GABRG3: variants seen among roughly 807,000 people sequenced by gnomAD.
GABRG3 encodes gamma-aminobutyric acid type A receptor subunit gamma3.
Under a neutral mutation model 48.8 loss-of-function variants are expected in GABRG3, and 25 were observed. That is an observed-to-expected ratio of 0.51 (90% CI 0.37 to 0.72). GABRG3 has a LOEUF of 0.72. Among genes scored for constraint, GABRG3 ranks in the 30% least tolerant of loss-of-function variants. The probability of loss-of-function intolerance (pLI) is 0.00; values close to 1 mark genes in which losing one functional copy is unlikely to be tolerated. For synonymous variants in GABRG3, 227 were observed against 217.6 expected, an observed-to-expected ratio of 1.04 and a Z score of -0.38; for missense variants, 394 against 577.9, an observed-to-expected ratio of 0.68 and a Z score of 3.26.
rs569017680 is a variant in GABRG3, at chr15:27,457,994, G to A, written c.575-22656G>A. 2.8e-4 allele frequency among the ~76,000 whole-genome samples: 43 copies of A among 152,224 alleles called. No individual in the cohort carries two copies. Among genetic ancestry groups the A allele is most frequent in the African/African-American group, 1.0e-3 (42 of 41,542 alleles). ...CAGCCTGTGACCATCTGCTTTTGTCGTGAACTCCTTGGACGGTGCAGGAAC... is the reference window on the plus strand; with the variant it reads ...CAGCCTGTGACCATCTGCTTTTGTCATGAACTCCTTGGACGGTGCAGGAAC... On this transcript the variant is annotated intron_variant, in intron 5 of 9. Coordinates refer to ENST00000615808, the MANE Select transcript of GABRG3 (RefSeq NM_033223.5). The surrounding 1 kb of genome is among the most constrained non-coding windows in gnomAD (Gnocchi z 4.4).
chr15:27,344,585 C>T (rs1363419724), intron 5 of GABRG3, among the ~76,000 whole-genome samples: 1 of 152,114 alleles, frequency 6.6e-6, no homozygotes, highest in Admixed American at 6.5e-5. Context: ...TTATTTTGAT[C>T]ATTGTATCAA....
rs140281602 is a variant in GABRG3, at chr15:27,343,099, C to T, written c.574+14211C>T. On this transcript the variant is annotated intron_variant, in intron 5 of 9. Transcript: ENST00000615808. The stretch of plus-strand genomic sequence containing the variant: ...TTCTCCTTTAAGCTCCCCTGCCCTT[C>T]GCGGTGGCTCATGGATGGTACTGTG... Among the ~76,000 whole-genome samples the T allele has an allele frequency of 1.4e-4, 21 of 152,204 alleles. 1 individual carries two copies. The highest frequency in any genetic ancestry group is 2.9e-5 in the Non-Finnish European group (2 of 68,030).
intron 3 of GABRG3, among the ~76,000 whole-genome samples, chr15:27,066,236 C>T (rs1896735735): frequency 6.6e-6 from 1 of 152,214 alleles, no homozygotes; most frequent in African/African-American, 2.4e-5. Flanking sequence ...ATACAAACCT[C>T]ACTCAATACT....
At chr15:27,151,197 G>C (rs1898305169) in intron 3 of GABRG3, among the ~76,000 whole-genome samples, 1 of 152,012 alleles carries the variant, frequency 6.6e-6, no homozygotes, top group African/African-American at 2.4e-5. Context: ...TTCACTGCAG[G>C]ATCTGTCATG....
At chr15:27,171,410 C>G (rs894721346) in intron 3 of GABRG3, among the ~76,000 whole-genome samples, 15 of 152,002 alleles carry the variant, frequency 9.9e-5, no homozygotes, top group African/African-American at 3.6e-4. Context: ...TACATAGATG[C>G]CCTCATTGAG....
intron 3 of GABRG3, among the ~76,000 whole-genome samples, chr15:27,238,372 C>T (rs908286820): frequency 6.6e-6 from 1 of 152,258 alleles, no homozygotes; most frequent in Non-Finnish European, 1.5e-5. Context: ...CCAGCATCCA[C>T]GGCTGCCTTA....
At chr15:27,193,155 CA>C (rs1363932972) in intron 3 of GABRG3, among the ~76,000 whole-genome samples, 3 of 152,174 alleles carry the variant, frequency 2.0e-5, no homozygotes, top group Non-Finnish European at 4.4e-5. Flanking sequence ...TTAGGCTGCT[CA>C]GGGGTCAGGG....
intron 3 of GABRG3, among the ~76,000 whole-genome samples, chr15:27,168,720 G>T (rs1388557833): frequency 1.3e-5 from 2 of 152,220 alleles, no homozygotes; most frequent in Admixed American, 6.5e-5. Context: ...ACAGCAAGAA[G>T]ATGTGGTCTG....
At chr15:27,519,319 A>G (rs1402714180) in intron 6 of GABRG3, among the ~76,000 whole-genome samples, 2 of 152,182 alleles carry the variant, frequency 1.3e-5, no homozygotes, top group Non-Finnish European at 2.9e-5. Flanking sequence ...CTCTAGTCAC[A>G]TCTGCATTGC....
rs112864823 is a variant in GABRG3, at chr15:27,136,459, G to A, written c.270+109638G>A. Among the ~76,000 whole-genome samples the A allele has an allele frequency of 5.2e-3, 784 of 152,216 alleles. 7 individuals are homozygous for A. The highest frequency in any genetic ancestry group is 0.017 in the African/African-American group (719 of 41,536). The stretch of plus-strand genomic sequence containing the variant: ...AGTGTAGGTTTTAACTTTAGAGGGT[G>A]GAAGGTGGCTGTGCTTAATCCATGT... On this transcript the variant is annotated intron_variant, in intron 3 of 9. Coordinates refer to ENST00000615808, the MANE Select transcript of GABRG3 (RefSeq NM_033223.5).
intron 3 of GABRG3, among the ~76,000 whole-genome samples, chr15:27,073,671 TTAA>T (rs1312205527): frequency 6.6e-6 from 1 of 152,254 alleles, no homozygotes; most frequent in East Asian, 1.9e-4. Context: ...CTATTGCTAT[TTAA>T]TAATGTCTCC....
intron 5 of GABRG3, among the ~76,000 whole-genome samples, chr15:27,463,880 G>A (rs1889524426): frequency 6.6e-6 from 1 of 152,144 alleles, no homozygotes; most frequent in African/African-American, 2.4e-5. Context: ...TTCTCTCAGG[G>A]AGTGGGCTCA....
intron 6 of GABRG3, among the ~76,000 whole-genome samples, chr15:27,510,014 G>C (rs142667318): frequency 6.6e-6 from 1 of 152,306 alleles, no homozygotes; most frequent in Non-Finnish European, 1.5e-5. Flanking sequence ...CTTTTAGTGT[G>C]AGGGTTCTTG....
At chr15:27,530,963 G>C in intron 9 of GABRG3, 1 of 309,488 alleles carries the variant, frequency 3.2e-6, no homozygotes. Context: ...AATGCAGTGG[G>C]GTAGAGGAAG....
intron 5 of GABRG3, among the ~76,000 whole-genome samples, chr15:27,409,872 C>T (rs898590961): frequency 2.0e-5 from 3 of 152,000 alleles, no homozygotes. Flanking sequence ...TGTATGTAGA[C>T]AATTAGAGAG....
chr15:27,225,681 G>A (rs961555587), intron 3 of GABRG3, among the ~76,000 whole-genome samples: 1 of 152,096 alleles, frequency 6.6e-6, no homozygotes, highest in Non-Finnish European at 1.5e-5. Flanking sequence ...CCCAGGAATG[G>A]TGTGAGGGAC....
At chr15:26,996,842 C>T (rs192071218) in intron 2 of GABRG3, among the ~76,000 whole-genome samples, 8 of 151,866 alleles carry the variant, frequency 5.3e-5, no homozygotes, top group East Asian at 3.9e-4. Context: ...TTAGTAGAGA[C>T]GGGGTTTCAC....
chr15:27,385,714 T>G (rs986240869), intron 5 of GABRG3, among the ~76,000 whole-genome samples: 2 of 152,198 alleles, frequency 1.3e-5, no homozygotes, highest in Non-Finnish European at 2.9e-5. Flanking sequence ...AGAATTTTCA[T>G]TTGGTTCATT....
rs376373916 is a variant in GABRG3 at position 27,062,778 on chromosome 15, A to G, written c.270+35957A>G. ...CCACAAGGGCCAGGTGTAGAGAGTT[A>G]GTACTTACTAGTTAATGCTCCATTA... On this transcript the variant is annotated intron_variant, in intron 3 of 9. Coordinates refer to ENST00000615808, the MANE Select transcript of GABRG3 (RefSeq NM_033223.5). 3.3e-5 allele frequency among the ~76,000 whole-genome samples: 5 copies of G among 152,152 alleles called. No homozygotes were observed. In the East Asian group the frequency reaches 7.7e-4, roughly 23 times the overall value.
Sources: gnomAD v4.1 joint callset for allele counts (sites outside exome capture counted in the v4.1 genomes callset) on GRCh38, gnomAD v4.1.1 for gene constraint, Gnocchi (gnomAD v3.1) non-coding constraint, MANE v1.5 for transcripts, NCBI Gene and HGNC (gene_info 2026-07-23, HGNC 2026-07-21) for gene names.